DIXDC1: variants seen among roughly 807,000 people sequenced by gnomAD.
The protein encoded by DIXDC1 is DIX domain containing 1.
Under a neutral mutation model 103.1 loss-of-function variants are expected in DIXDC1, and 64 were observed. That is an observed-to-expected ratio of 0.62 (90% CI 0.51 to 0.76). DIXDC1 has a LOEUF of 0.76. Ranked by LOEUF, DIXDC1 falls within the 30% of genes least tolerant of loss-of-function variation. DIXDC1 has a pLI of 0.00. For synonymous variants in DIXDC1, 266 were observed against 298.5 expected (o/e 0.89, Z 1.12); for missense variants, 759 against 834.2 (o/e 0.91, Z 1.11).
rs1555173181 is a variant in DIXDC1, at chr11:111,980,834, A to C, written c.754A>C (p.Ile252Leu). 1.9e-6 allele frequency: 3 copies of C among 1,613,752 alleles called. No individual in the cohort carries two copies. The South Asian group carries it at 3.3e-5, about 18-fold the overall frequency. The change falls in exon 6 of 20, where the codon ATA (isoleucine) becomes CTA (leucine). Residue 252 changes from isoleucine to leucine, a missense_variant. Transcript: ENST00000440460. Reference sequence around the variant, plus strand: ...TTTTGTGATTATTCCCGCTGAAGGAATAGAGAACAGAACAGGTACTATCTC... The same window carrying C: ...TTTTGTGATTATTCCCGCTGAAGGACTAGAGAACAGAACAGGTACTATCTC... ...ADFVIIPAEG[I>L]ENRTEGTDSP... is the part of the protein sequence containing the mutation.
chr11:111,997,094 A>G (rs1470020594), intron 17 of DIXDC1, among the ~76,000 whole-genome samples: 3 of 152,242 alleles, frequency 2.0e-5, no homozygotes, highest in Admixed American at 6.5e-5. Flanking sequence ...AGGCCTAATC[A>G]AAAGGTATCT....
At chr11:111,970,647 G>A (rs587616415) in intron 3 of DIXDC1, among the ~76,000 whole-genome samples, 20 of 148,674 alleles carry the variant, frequency 1.3e-4, no homozygotes, top group Non-Finnish European at 1.5e-4. Flanking sequence ...GGGCAACAGA[G>A]CGAAACTCTA....
At position 111,992,454 on chromosome 11, in the gene DIXDC1, G is replaced by T. The variant is rs1331782973; in HGVS notation, c.1153G>T (p.Val385Phe). 1 of 1,583,934 alleles carries T rather than the reference G, an allele frequency of 6.3e-7. No homozygotes were observed. The highest frequency in any genetic ancestry group is 1.8e-5 in the Admixed American group (1 of 55,454). The change falls in exon 11 of 20, where the codon GTT becomes TTT. Residue 385 changes from valine to phenylalanine, a missense_variant. Around this residue, in one of 3 missense-constraint regions of DIXDC1, gnomAD observed 657 missense variants for 727.5 expected, o/e 0.90. Coordinates refer to ENST00000440460, the MANE Select transcript of DIXDC1 (RefSeq NM_001037954.4). Reference protein sequence around the residue: ...QQRLTQQDTSVLQLKQELLRA... With the variant: ...QQRLTQQDTSFLQLKQELLRA... ...GAGATTGACTCAGCAGGACACATCTGTTCTTCAGCTCAAACAAGAGCTACT... is the reference window on the plus strand; with the variant it reads ...GAGATTGACTCAGCAGGACACATCTTTTCTTCAGCTCAAACAAGAGCTACT...
At chr11:111,941,614 A>G (rs754021241) in intron 1 of DIXDC1, among the ~76,000 whole-genome samples, 6 of 151,954 alleles carry the variant, frequency 3.9e-5, no homozygotes, top group Non-Finnish European at 8.8e-5. Context: ...CCGGGAGTTC[A>G]AGACCAGCCT....
chr11:111,965,549 A>G (rs1555171415), intron 2 of DIXDC1, among the ~76,000 whole-genome samples: 1 of 152,224 alleles, frequency 6.6e-6, no homozygotes, highest in Non-Finnish European at 1.5e-5. Flanking sequence ...TCATAGGGAC[A>G]GTTTATGAAT....
Position 111,982,476 on chromosome 11 carries a change from T to C in DIXDC1, c.907T>C (p.Ser303Pro). 1 of 1,613,252 alleles carries C rather than the reference T, an allele frequency of 6.2e-7. No individual in the cohort carries two copies. Among genetic ancestry groups the C allele is most frequent in the Non-Finnish European group, 8.5e-7 (1 of 1,179,590 alleles). Residue 303 changes from serine (S) to proline (P), a missense_variant, in exon 7 of 20, where the codon TCA becomes CCA. By Grantham distance (74) the Ser-to-Pro change is moderately conservative. Around this residue, in one of 3 missense-constraint regions of DIXDC1, gnomAD observed 657 missense variants for 727.5 expected, o/e 0.90. Transcript: ENST00000440460. ...AATGGAGGAAGCAAAGAAAATGATATCAGGACTACAGGTAGCTCTCTCCCT... is the reference window on the plus strand; with the variant it reads ...AATGGAGGAAGCAAAGAAAATGATACCAGGACTACAGGTAGCTCTCTCCCT... The part of the protein sequence containing the change: ...KEMEEAKKMI[S>P]GLQALLLNGS...
chr11:111,946,435 G>C (rs782484334), intron 1 of DIXDC1, among the ~76,000 whole-genome samples: 6 of 152,210 alleles, frequency 3.9e-5, no homozygotes, highest in Non-Finnish European at 5.9e-5. Context: ...TGTTGGCCAG[G>C]CTGGTCTCGA....
At chr11:111,965,351 G>GT (rs1471266904) in intron 2 of DIXDC1, among the ~76,000 whole-genome samples, 4 of 152,154 alleles carry the variant, frequency 2.6e-5, no homozygotes, top group Non-Finnish European at 4.4e-5. Flanking sequence ...GATCTGAGCT[G>GT]TTTAAGAGCA....
intron 1 of DIXDC1, among the ~76,000 whole-genome samples, chr11:111,946,374 C>T (rs1966597891): frequency 6.6e-6 from 1 of 152,198 alleles, no homozygotes; most frequent in Non-Finnish European, 1.5e-5. Flanking sequence ...TCCCAAAGTG[C>T]TGGGATTACA....
In DIXDC1 at chr11:111,929,682, C is replaced by T. The variant is rs587628604; in HGVS notation, c.-36-136C>T. The T allele has an allele frequency of 6.6e-5, 35 of 528,610 alleles. No homozygotes were observed. The South Asian group carries it at 8.8e-4, about 13-fold the overall frequency. The allele number at this position is 528,610 out of a possible 1,614,324, so 32.7% of individuals were successfully genotyped here. On this transcript the variant is annotated intron_variant, in intron 1 of 5. Transcript: ENST00000529225. ...AGCTGGACTTCCTGCTAACTAGGGT[C>T]CTATTTCTGATACTTCAAGATGACT...
At chr11:111,966,195 G>C (rs1290302004) in intron 2 of DIXDC1, among the ~76,000 whole-genome samples, 1 of 135,842 alleles carries the variant, frequency 7.4e-6, no homozygotes. Context: ...TCCCTCCCCT[G>C]CAAAACCCGG....
At chr11:111,975,134 G>A in intron 5 of DIXDC1, 151 bp downstream of exon 5, 1 of 1,448,460 alleles carries the variant, frequency 6.9e-7, no homozygotes, top group Non-Finnish European at 9.1e-7. Flanking sequence ...AGTGCTTTGT[G>A]GGTTTGTGCT....
At chr11:111,971,483 G>T (rs1371648115) in intron 3 of DIXDC1, among the ~76,000 whole-genome samples, 2 of 152,166 alleles carry the variant, frequency 1.3e-5, no homozygotes, top group African/African-American at 4.8e-5. Flanking sequence ...GTGGAGAAAA[G>T]GGGACACATA....
In DIXDC1 at chr11:111,993,566, T is replaced by A. The variant is rs782138617; in HGVS notation, c.1343T>A (p.Leu448His). Residue 448 changes from leucine (L) to histidine (H), a missense_variant, in exon 13 of 20, where the codon CTC becomes CAC. By Grantham distance (99) the Leu-to-His change is moderately conservative (BLOSUM62 -3). Transcript: ENST00000440460. ...QAKLEEALRK[L>H]SDVSYHQVDL... ...AAGTTAGAAGAAGCACTCCGGAAAC[T>A]CTCTGATGTCAGTTACCACCAGGTC... The A allele has an allele frequency of 6.2e-7, 1 of 1,614,024 alleles. No homozygotes were observed. Among genetic ancestry groups the A allele is most frequent in the Non-Finnish European group, 8.5e-7 (1 of 1,179,888 alleles).
At chr11:111,995,711 T>A (rs1860875771) in intron 16 of DIXDC1, 147 bp downstream of exon 16, 3 of 1,014,912 alleles carry the variant, frequency 3.0e-6, no homozygotes, top group African/African-American at 3.3e-5. Flanking sequence ...TTTCTCTCAG[T>A]GGAACTGACT....
chr11:111,936,995 G>A (rs1234464859), upstream of DIXDC1, among the ~76,000 whole-genome samples: 3 of 112,456 alleles, frequency 2.7e-5, no homozygotes, highest in African/African-American at 1.2e-4. Flanking sequence ...ACGTGTGTGT[G>A]TGTATGTGTG....
chr11:111,961,659 G>A (rs1222855945), intron 1 of DIXDC1, among the ~76,000 whole-genome samples: 5 of 152,092 alleles, frequency 3.3e-5, no homozygotes, highest in African/African-American at 1.2e-4. Context: ...CAACTTCTAC[G>A]GGCAAGAAAA....
intron 17 of DIXDC1, among the ~76,000 whole-genome samples, chr11:112,003,362 G>C (rs1316327151): frequency 6.6e-6 from 1 of 152,064 alleles, no homozygotes; most frequent in Non-Finnish European, 1.5e-5. Flanking sequence ...CACAAGAATA[G>C]CTTGAACCCA....
chr11:111,986,988 C>T (rs938682271), intron 9 of DIXDC1, 64 bp downstream of exon 9: 120 of 1,377,832 alleles, frequency 8.7e-5, no homozygotes, highest in Non-Finnish European at 1.1e-4. Context: ...CGGTGGCTCG[C>T]GCCTGTAATC....
Sources: gnomAD v4.1 joint callset for allele counts (sites outside exome capture counted in the v4.1 genomes callset) on GRCh38, gnomAD v4.1.1 for gene constraint, gnomAD v4.1.1 regional missense constraint, MANE v1.5 for transcripts, NCBI Gene and HGNC (gene_info 2026-07-23, HGNC 2026-07-21) for gene names.